CATSPERT: variants seen among roughly 807,000 people sequenced by gnomAD.
The protein encoded by CATSPERT is catsper channel auxiliary subunit tau.
chr2:201,496,078 T>C, the CATSPERT span: 3 of 667,174 alleles, frequency 4.5e-6, no homozygotes, highest in Non-Finnish European at 7.2e-6. Flanking sequence ...AACCTAAATA[T>C]TTTTATCATA....
At chr2:201,535,834 C>A in the CATSPERT span, 1 of 1,462,262 alleles carries the variant, frequency 6.8e-7, no homozygotes, top group South Asian at 1.5e-5. Context: ...GGGCAGACAC[C>A]TTGAGCTCAA....
the CATSPERT span, among the ~76,000 whole-genome samples, chr2:201,521,271 T>G: frequency 1.3e-5 from 2 of 152,194 alleles, no homozygotes; most frequent in African/African-American, 4.8e-5. Context: ...AAAAACTACC[T>G]GAGACTGGGT....
the CATSPERT span, among the ~76,000 whole-genome samples, chr2:201,542,844 T>A: frequency 6.6e-6 from 1 of 152,166 alleles, no homozygotes; most frequent in Non-Finnish European, 1.5e-5. Flanking sequence ...GTGTAGAAGC[T>A]TTTTAATTTG....
At chr2:201,613,552 A>G in the CATSPERT span, among the ~76,000 whole-genome samples, 1 of 152,226 alleles carries the variant, frequency 6.6e-6, no homozygotes, top group Non-Finnish European at 1.5e-5. Flanking sequence ...TCATCTGTAC[A>G]TCACCATCAT....
the CATSPERT span, among the ~76,000 whole-genome samples, chr2:201,539,918 T>A: frequency 2.6e-4 from 40 of 152,192 alleles, 1 homozygote; most frequent in East Asian, 3.1e-3. Flanking sequence ...ACAGCCCAGA[T>A]GAGAATGCAA....
the CATSPERT span, chr2:201,575,359 A>G: frequency 6.5e-7 from 1 of 1,536,330 alleles, no homozygotes; most frequent in South Asian, 1.2e-5. Context: ...TAAATATAGA[A>G]TTACCCATGT....
At chr2:201,578,430 C>G in the CATSPERT span, among the ~76,000 whole-genome samples, 1 of 152,106 alleles carries the variant, frequency 6.6e-6, no homozygotes, top group Admixed American at 6.6e-5. Context: ...ATAATTTTTA[C>G]TTTAAATAGT....
the CATSPERT span, among the ~76,000 whole-genome samples, chr2:201,527,040 C>G: frequency 6.6e-6 from 1 of 152,182 alleles, no homozygotes; most frequent in Non-Finnish European, 1.5e-5. Flanking sequence ...GCTTCTAGAT[C>G]TGATAAACAA....
At chr2:201,534,987 A>G in the CATSPERT span, 1 of 434,940 alleles carries the variant, frequency 2.3e-6, no homozygotes, top group Non-Finnish European at 3.1e-6. Flanking sequence ...CATAAGAAAG[A>G]CTAAAAGAAA....
chr2:201,509,473 T>G, the CATSPERT span, among the ~76,000 whole-genome samples: 1 of 150,950 alleles, frequency 6.6e-6, no homozygotes, highest in Admixed American at 6.6e-5. Flanking sequence ...GTTTTTAAGT[T>G]TGATGTAGTC....
the CATSPERT span, among the ~76,000 whole-genome samples, chr2:201,591,659 CT>C: frequency 6.6e-6 from 1 of 152,150 alleles, no homozygotes; most frequent in Middle Eastern, 3.2e-3. Context: ...CTTTTATTTC[CT>C]TGCTCAGTAG....
the CATSPERT span, chr2:201,491,657 C>T: frequency 6.5e-7 from 1 of 1,537,064 alleles, no homozygotes; most frequent in Non-Finnish European, 8.7e-7. Context: ...TACTCATCTT[C>T]CCTTGGCATT....
the CATSPERT span, among the ~76,000 whole-genome samples, chr2:201,612,137 G>T: frequency 6.6e-6 from 1 of 152,080 alleles, no homozygotes; most frequent in African/African-American, 2.4e-5. Flanking sequence ...ATTTCCTTTT[G>T]CTCTCCTTTA....
At chr2:201,565,078 T>C in the CATSPERT span, among the ~76,000 whole-genome samples, 1 of 147,690 alleles carries the variant, frequency 6.8e-6, no homozygotes, top group African/African-American at 2.5e-5. Context: ...GACTGAAGCA[T>C]AGCAAAAAAA....
chr2:201,544,312 T>A, the CATSPERT span, among the ~76,000 whole-genome samples: 1 of 152,184 alleles, frequency 6.6e-6, no homozygotes, highest in Non-Finnish European at 1.5e-5. Context: ...AGTGCCGCAA[T>A]AAACATACGT....
the CATSPERT span, among the ~76,000 whole-genome samples, chr2:201,576,517 T>G: frequency 6.6e-6 from 1 of 152,236 alleles, no homozygotes; most frequent in Non-Finnish European, 1.5e-5. Context: ...TTGCTCCCCA[T>G]AGGCCAGTTC....
chr2:201,572,278 A>C, the CATSPERT span, among the ~76,000 whole-genome samples: 1 of 152,198 alleles, frequency 6.6e-6, no homozygotes, highest in Non-Finnish European at 1.5e-5. Flanking sequence ...TACGGTAAGT[A>C]ACTAAGCATA....
the CATSPERT span, among the ~76,000 whole-genome samples, chr2:201,524,280 A>C: frequency 6.6e-6 from 1 of 152,210 alleles, no homozygotes; most frequent in Non-Finnish European, 1.5e-5. Context: ...ACCCTTCAGC[A>C]GAAACCTTAT....
At chr2:201,574,644 C>G in the CATSPERT span, among the ~76,000 whole-genome samples, 3 of 151,990 alleles carry the variant, frequency 2.0e-5, no homozygotes, top group Non-Finnish European at 4.4e-5. Flanking sequence ...ACTCACACTC[C>G]TCTCACCTCC....
Sources: allele counts gnomAD v4.1 joint callset (sites outside exome capture counted in the v4.1 genomes callset), GRCh38; gene constraint gnomAD v4.1.1; transcripts MANE v1.5; gene names NCBI Gene and HGNC (gene_info 2026-07-23, HGNC 2026-07-21).